COPS8: variants seen among roughly 807,000 people sequenced by gnomAD.
COPS8 encodes the protein COP9 signalosome complex subunit 8.
COPS8 carries 11 observed loss-of-function variants against 31.5 expected under a neutral mutation model. That is an observed-to-expected ratio of 0.35 (90% CI 0.22 to 0.58). The LOEUF is 0.58. COPS8 is among the 20% of genes least tolerant of loss of function. The pLI, the probability that COPS8 is intolerant of heterozygous loss-of-function variation, is 0.83. For missense variants in COPS8, 215 were observed against 255.1 expected, an observed-to-expected ratio of 0.84 and a Z score of 1.07; for synonymous variants, 81 against 89.3, an observed-to-expected ratio of 0.91 and a Z score of 0.52.
intron 4 of COPS8, among the ~76,000 whole-genome samples, chr2:237,093,485 G>A (rs1696742652): frequency 6.6e-6 from 1 of 152,172 alleles, no homozygotes; most frequent in Non-Finnish European, 1.5e-5. Context: ...TGGAAGCCTG[G>A]GGACAATCCT....
rs539113750 is a variant in COPS8 at position 237,099,918 on chromosome 2, T to G, written c.*2176T>G. 6.6e-6 allele frequency: 1 copy of G among 152,192 alleles called. No homozygotes were observed. The highest frequency in any genetic ancestry group is 2.4e-5 in the African/African-American group (1 of 41,452). 9.4% of individuals were successfully genotyped at this position (152,192 alleles called of 1,614,324 possible). A position where few individuals can be genotyped will look rare whatever the true frequency, so the allele number is the denominator to read the frequency against. On this transcript the variant is annotated 3_prime_UTR_variant, in exon 8 of 8. Transcript: ENST00000354371. ...ACAGGCCATGTAAAAATGAGACAGT[T>G]TGAGCATGAAATATTTGTATATGTG...
Position 237,099,917 on chromosome 2 carries a change from T to C in COPS8, c.*2175T>C, listed in dbSNP as rs1223965049. The C allele has an allele frequency of 1.3e-5, 2 of 152,156 alleles. No homozygotes were observed. Among genetic ancestry groups the C allele is most frequent in the African/African-American group, 4.8e-5 (2 of 41,430 alleles). The allele number at this position is 152,156 out of a possible 1,614,324, so 9.4% of individuals were successfully genotyped here. ...TACAGGCCATGTAAAAATGAGACAG[T>C]TTGAGCATGAAATATTTGTATATGT... is the stretch of plus-strand genomic sequence containing the variant. On this transcript the variant is annotated 3_prime_UTR_variant, in exon 8 of 8. Transcript: ENST00000354371.
chr2:237,096,836 G>A lies in COPS8; in HGVS notation c.517G>A (p.Asp173Asn), dbSNP rs749047467. The change falls in exon 7 of 8, where the codon GAT (aspartate) becomes AAT (asparagine). Residue 173 changes from aspartate (D) to asparagine (N), a missense_variant. Physicochemically the swap from Asp to Asn is conservative, Grantham distance 23. Coordinates refer to ENST00000354371, the MANE Select transcript of COPS8 (RefSeq NM_006710.5). ...LPRKPVAGALDVSFNKFIPLS... is the reference protein window; with the variant it reads ...LPRKPVAGALNVSFNKFIPLS... Reference sequence around the variant, plus strand: ...TTTGAATTTAGTTGCAGGGGCCCTGGATGTTTCCTTTAACAAGTTTATTCC... The same window carrying A: ...TTTGAATTTAGTTGCAGGGGCCCTGAATGTTTCCTTTAACAAGTTTATTCC... 11 of 1,611,392 alleles carry A rather than the reference G, an allele frequency of 6.8e-6. No individual in the cohort carries two copies. The highest frequency in any genetic ancestry group is 9.3e-6 in the Non-Finnish European group (11 of 1,178,642).
At position 237,097,746 on chromosome 2, in the gene COPS8, A is replaced by G; in HGVS notation, c.*4A>G. The stretch of plus-strand genomic sequence containing the variant: ...TGTGGCTTTCCTTGAAAACTGATTT[A>G]TCACTCTGAGTTCAAGATTCATCTT... On this transcript the variant is annotated 3_prime_UTR_variant, in exon 8 of 8. Coordinates refer to ENST00000354371, the MANE Select transcript of COPS8 (RefSeq NM_006710.5). The G allele has an allele frequency of 1.0e-5, 16 of 1,602,034 alleles. No individual in the cohort carries two copies. Among genetic ancestry groups the G allele is most frequent in the Non-Finnish European group, 1.3e-5 (15 of 1,170,774 alleles).
At chr2:237,091,001 A>T (rs767578988) in intron 4 of COPS8, among the ~76,000 whole-genome samples, 1 of 152,196 alleles carries the variant, frequency 6.6e-6, no homozygotes. Context: ...GTGGACTTCC[A>T]TAGTATCCTC....
rs1253260742 is a variant in COPS8, at chr2:237,089,916, G to C, written c.253G>C (p.Asp85His). ...WSVGQRIWQR[D>H]FPGIYTTINA... The stretch of plus-strand genomic sequence containing the variant: ...AGTAGGACAAAGAATCTGGCAGAGA[G>C]ATTTCCCTGGGATCTATACAACCAT... The change falls in exon 4 of 8, where the codon GAT becomes CAT. Residue 85 changes from aspartate (D) to histidine (H), a missense_variant. Asp to His is a moderately conservative substitution (Grantham distance 81). Coordinates refer to ENST00000354371, the MANE Select transcript of COPS8 (RefSeq NM_006710.5). The C allele has an allele frequency of 6.2e-7, 1 of 1,613,514 alleles. No individual in the cohort carries two copies. Among genetic ancestry groups the C allele is most frequent in the African/African-American group, 1.3e-5 (1 of 74,908 alleles).
At chr2:237,086,551 A>C (rs1199673999) in intron 1 of COPS8, among the ~76,000 whole-genome samples, 2 of 152,192 alleles carry the variant, frequency 1.3e-5, no homozygotes, top group African/African-American at 4.8e-5. Context: ...GCAGCTGTTA[A>C]AGTTAATGTT....
At chr2:237,087,512 CA>C in intron 2 of COPS8, 1 of 346,402 alleles carries the variant, frequency 2.9e-6, no homozygotes, top group Non-Finnish European at 5.8e-6. Flanking sequence ...ATCAATAAAA[CA>C]AAAGAAGTGA....
intron 4 of COPS8, among the ~76,000 whole-genome samples, chr2:237,090,276 T>G (rs1696683487): frequency 6.6e-6 from 1 of 152,224 alleles, no homozygotes; most frequent in Non-Finnish European, 1.5e-5. Context: ...TCTTGTAATA[T>G]TCTAATAAGT....
intron 4 of COPS8, among the ~76,000 whole-genome samples, chr2:237,090,687 A>G (rs1411300550): frequency 6.6e-6 from 1 of 152,200 alleles, no homozygotes; most frequent in Admixed American, 6.5e-5. Context: ...AATTTTTTTA[A>G]TAACTGTTCA....
intron 6 of COPS8, among the ~76,000 whole-genome samples, chr2:237,096,425 G>A (rs765850268): frequency 5.3e-5 from 8 of 152,150 alleles, no homozygotes; most frequent in Admixed American, 2.6e-4. Flanking sequence ...CCGCCTGATA[G>A]TTTCTCTTCC....
intron 2 of COPS8, 115 bp downstream of exon 2, chr2:237,087,312 AC>A: frequency 1.5e-6 from 1 of 652,134 alleles, no homozygotes; most frequent in Non-Finnish European, 2.7e-6. Context: ...CTTTTTTATT[AC>A]AGTAATTGTT....
chr2:237,086,315 A>G (rs1158051357), intron 1 of COPS8, among the ~76,000 whole-genome samples: 1 of 152,152 alleles, frequency 6.6e-6, no homozygotes, highest in Non-Finnish European at 1.5e-5. Context: ...ATGAGCTCAT[A>G]TTAATTAGGC....
Position 237,098,940 on chromosome 2 carries a change from A to C in COPS8, c.*1198A>C, listed in dbSNP as rs1164861986. Reference sequence around the variant, plus strand: ...TAACCCGGATAGGTAAGTCATATTAAAATTCCTTGTTTTACAGTTGAGGAA... The same window carrying C: ...TAACCCGGATAGGTAAGTCATATTACAATTCCTTGTTTTACAGTTGAGGAA... On this transcript the variant is annotated 3_prime_UTR_variant, in exon 8 of 8. Transcript: ENST00000354371. 6.6e-6 allele frequency: 1 copy of C among 152,208 alleles called. No individual in the cohort carries two copies. The highest frequency in any genetic ancestry group is 2.4e-5 in the African/African-American group (1 of 41,456). 9.4% of individuals were successfully genotyped at this position (152,208 alleles called of 1,614,324 possible).
chr2:237,090,065 A>G, intron 4 of COPS8, 71 bp downstream of exon 4: 1 of 1,490,060 alleles, frequency 6.7e-7, no homozygotes, highest in Non-Finnish European at 9.2e-7. Context: ...TGTTGAAGTA[A>G]TAAATCAGTG....
At chr2:237,091,063 C>G (rs937621100) in intron 4 of COPS8, among the ~76,000 whole-genome samples, 1 of 152,170 alleles carries the variant, frequency 6.6e-6, no homozygotes, top group Non-Finnish European at 1.5e-5. Flanking sequence ...TGTGCCTTTT[C>G]CCAGTGTTTT....
At position 237,088,602 on chromosome 2, in the gene COPS8, T is replaced by C; in HGVS notation, c.150-3T>C. The stretch of plus-strand genomic sequence containing the variant: ...TATTCTTCTTTGTGGTGGCGTAAAT[T>C]AGGAATAATGCAAGATATCTTTGGA... On this transcript the variant is annotated splice_polypyrimidine_tract_variant and splice_region_variant and intron_variant, in intron 2 of 7. Coordinates refer to ENST00000354371, the MANE Select transcript of COPS8 (RefSeq NM_006710.5). 6.3e-7 allele frequency: 1 copy of C among 1,588,446 alleles called. No homozygotes were observed. The highest frequency in any genetic ancestry group is 8.6e-7 in the Non-Finnish European group (1 of 1,162,682).
intron 3 of COPS8, among the ~76,000 whole-genome samples, chr2:237,089,478 G>A (rs1696671622): frequency 6.6e-6 from 1 of 152,028 alleles, no homozygotes. Flanking sequence ...TAACCATTTT[G>A]CTATTACTTT....
In COPS8 at chr2:237,094,129, C is replaced by G; in HGVS notation, c.371C>G (p.Ala124Gly). 1 of 1,613,944 alleles carries G rather than the reference C, an allele frequency of 6.2e-7. No individual in the cohort carries two copies. The highest frequency in any genetic ancestry group is 1.3e-5 in the African/African-American group (1 of 75,012). The change falls in exon 5 of 8, where the codon GCG becomes GGG. Residue 124 changes from alanine to glycine, a missense_variant. By Grantham distance (60) the Ala-to-Gly change is moderately conservative. Transcript: ENST00000354371. ...CGCGCCTTTGCCCTGGTCTCTCAAGCGTATACTTCAATCATCGCCGATGAT... is the reference window on the plus strand; with the variant it reads ...CGCGCCTTTGCCCTGGTCTCTCAAGGGTATACTTCAATCATCGCCGATGAT... ...RRRAFALVSQ[A>G]YTSIIADDFA...
Sources: gnomAD v4.1 joint callset for allele counts (sites outside exome capture counted in the v4.1 genomes callset) on GRCh38, gnomAD v4.1.1 for gene constraint, MANE v1.5 for transcripts, NCBI Gene and HGNC (gene_info 2026-07-23, HGNC 2026-07-21) for gene names.